The following EIF2AK3 variants were observed in gnomAD, a reference collection of about 807,000 sequenced individuals.
EIF2AK3 encodes the protein eukaryotic translation initiation factor 2 alpha kinase 3.
EIF2AK3 carries 50 observed loss-of-function variants against 113.5 expected under a neutral mutation model. The ratio of observed to expected loss-of-function variants is 0.44; its 90% CI spans 0.35 to 0.56. EIF2AK3 has a LOEUF of 0.56. Ranked by LOEUF, EIF2AK3 falls within the 20% of genes least tolerant of loss-of-function variation. The pLI, the probability that EIF2AK3 is intolerant of heterozygous loss-of-function variation, is 0.00. For synonymous variants in EIF2AK3, 448 were observed against 495.4 expected, an observed-to-expected ratio of 0.90 and a Z score of 1.27; for missense variants, 1,185 against 1,378.0, an observed-to-expected ratio of 0.86 and a Z score of 2.22.
intron 1 of EIF2AK3, among the ~76,000 whole-genome samples, chr2:88,614,908 T>C (rs1205812602): frequency 1.3e-5 from 2 of 152,166 alleles, no homozygotes; most frequent in African/African-American, 2.4e-5. Flanking sequence ...CTATCCTCAC[T>C]TTAATTAACG....
chr2:88,576,477 C>T, intron 12 of EIF2AK3, 77 bp downstream of exon 12: 1 of 1,589,000 alleles, frequency 6.3e-7, no homozygotes, highest in Non-Finnish European at 8.6e-7. Flanking sequence ...AAAAAAAATC[C>T]CTAAAGTTAT....
At chr2:88,566,304 TTTAAAAAA>T (rs568463681) in intron 14 of EIF2AK3, among the ~76,000 whole-genome samples, 145 of 152,284 alleles carry the variant, frequency 9.5e-4, no homozygotes, top group African/African-American at 3.3e-3. Flanking sequence ...TTCTTTCATT[TTTAAAAAA>T]AGTTTTTTAC....
chr2:88,586,348 A>G (rs965040185), intron 8 of EIF2AK3, among the ~76,000 whole-genome samples: 2 of 152,200 alleles, frequency 1.3e-5, no homozygotes, highest in African/African-American at 4.8e-5. Context: ...TAATAATTCA[A>G]TTCTTTAAAT....
intron 8 of EIF2AK3, among the ~76,000 whole-genome samples, chr2:88,587,743 A>G (rs1231070748): frequency 6.6e-6 from 1 of 152,150 alleles, no homozygotes; most frequent in Non-Finnish European, 1.5e-5. Context: ...TTATTATTCT[A>G]ATTTTACAGA....
rs181409281 is a variant in EIF2AK3 at position 88,575,552 on chromosome 2, C to T, written c.2037-106G>A. 2.6e-6 allele frequency: 3 copies of T among 1,175,854 alleles called. No homozygotes were observed. The Admixed American group carries it at 5.5e-5, about 22-fold the overall frequency. The allele number at this position is 1,175,854 out of a possible 1,614,324, so 72.8% of individuals were successfully genotyped here. A position where few individuals can be genotyped will look rare whatever the true frequency, so the allele number is the denominator to read the frequency against. ...GCTTCAACTGTAATAAGGCCACTTA[C>T]CAAATGACAACAAAACAACATACAA... On this transcript the variant is annotated intron_variant, in intron 12 of 16. Transcript: ENST00000303236.
At chr2:88,566,101 T>C (rs1250853994) in intron 14 of EIF2AK3, among the ~76,000 whole-genome samples, 1 of 152,230 alleles carries the variant, frequency 6.6e-6, no homozygotes, top group East Asian at 1.9e-4. Flanking sequence ...GAAACAACCA[T>C]GGTGATGCTA....
rs1467388361 is a variant in EIF2AK3 at position 88,593,353 on chromosome 2, A to G, written c.686T>C (p.Met229Thr). The change falls in exon 4 of 17, where the codon ATG (methionine) becomes ACG (threonine). Residue 229 changes from methionine to threonine, a missense_variant. This residue lies in a region of EIF2AK3 where 119 missense variants were observed against 178.7 expected (regional missense o/e 0.67). Coordinates refer to ENST00000303236, the MANE Select transcript of EIF2AK3 (RefSeq NM_004836.7). Reference protein sequence around the residue: ...LGCRQWDSDEMEQEEDILLLQ... With the variant: ...LGCRQWDSDETEQEEDILLLQ... ...AAGCAGGATGTCTTCCTCTTGTTCC[A>G]TTTCGTCACTATCCCATTGGCGACA... The G allele has an allele frequency of 6.2e-7, 1 of 1,614,036 alleles. No individual in the cohort carries two copies. The highest frequency in any genetic ancestry group is 1.7e-5 in the Admixed American group (1 of 59,988).
intron 2 of EIF2AK3, among the ~76,000 whole-genome samples, chr2:88,596,301 T>G (rs943777698): frequency 1.3e-5 from 2 of 152,198 alleles, no homozygotes; most frequent in African/African-American, 4.8e-5. Flanking sequence ...TCCCTTCTTT[T>G]AACAATGCTT....
chr2:88,583,635 T>C (rs1674649764), intron 9 of EIF2AK3, 93 bp from the exon 10 acceptor site: 1 of 866,492 alleles, frequency 1.2e-6, no homozygotes, highest in Non-Finnish European at 1.9e-6. Context: ...CACTGAAAAA[T>C]ACATAAGTAG....
intron 2 of EIF2AK3, among the ~76,000 whole-genome samples, chr2:88,598,508 A>C (rs1036570774): frequency 1.3e-5 from 2 of 152,188 alleles, no homozygotes; most frequent in African/African-American, 2.4e-5. Flanking sequence ...GCACAACCTG[A>C]ATCTCAGCAC....
chr2:88,575,518 G>A, intron 12 of EIF2AK3, 72 bp from the exon 13 acceptor site: 1 of 1,544,800 alleles, frequency 6.5e-7, no homozygotes, highest in Non-Finnish European at 8.8e-7. Flanking sequence ...TGCACCCTCT[G>A]TTTAAAAAGC....
intron 1 of EIF2AK3, among the ~76,000 whole-genome samples, chr2:88,625,326 C>A (rs112261334): frequency 2.7e-4 from 36 of 130,912 alleles, no homozygotes; most frequent in South Asian, 8.2e-4. Context: ...CACACACACA[C>A]AGACATACAC....
intron 2 of EIF2AK3, among the ~76,000 whole-genome samples, chr2:88,606,456 C>T (rs1675281621): frequency 6.6e-6 from 1 of 152,258 alleles, no homozygotes; most frequent in African/African-American, 2.4e-5. Context: ...TGTTTCATTT[C>T]TATAATTAAA....
At chr2:88,589,932 CAGTAATTA>C (rs1674839216) in intron 6 of EIF2AK3, among the ~76,000 whole-genome samples, 1 of 152,098 alleles carries the variant, frequency 6.6e-6, no homozygotes, top group Non-Finnish European at 1.5e-5. Flanking sequence ...GAATATGCGA[CAGTAATTA>C]AAAATTTCAG....
chr2:88,567,618 T>C (rs1323024367), intron 14 of EIF2AK3, among the ~76,000 whole-genome samples: 4 of 152,344 alleles, frequency 2.6e-5, no homozygotes, highest in Middle Eastern at 3.4e-3. Context: ...ACAAGAACCA[T>C]TGGCACATAT....
At chr2:88,597,514 C>T (rs986119079) in intron 2 of EIF2AK3, among the ~76,000 whole-genome samples, 5 of 152,142 alleles carry the variant, frequency 3.3e-5, no homozygotes, top group Non-Finnish European at 7.4e-5. Context: ...CTTAAATAAA[C>T]CTTTCATCCC....
chr2:88,583,396 T>C (rs775956287), intron 10 of EIF2AK3, 34 bp downstream of exon 10: 2 of 1,529,290 alleles, frequency 1.3e-6, no homozygotes, highest in Non-Finnish European at 9.0e-7. Flanking sequence ...ATTTCTTCTT[T>C]GATTCAGATG....
At chr2:88,620,676 C>CCCT (rs1256705419) in intron 1 of EIF2AK3, among the ~76,000 whole-genome samples, 1 of 152,238 alleles carries the variant, frequency 6.6e-6, no homozygotes, top group Non-Finnish European at 1.5e-5. Flanking sequence ...CTGCTCTGTG[C>CCCT]CCTTGCTCAC....
At chr2:88,575,644 A>G in intron 12 of EIF2AK3, 198 bp from the exon 13 acceptor site, 1 of 651,956 alleles carries the variant, frequency 1.5e-6, no homozygotes, top group Non-Finnish European at 2.6e-6. Context: ...TAAAAAACTT[A>G]ATTTTAAAGC....
Sources: allele counts gnomAD v4.1 joint callset (sites outside exome capture counted in the v4.1 genomes callset), GRCh38; gene constraint gnomAD v4.1.1; regional missense constraint gnomAD v4.1.1; transcripts MANE v1.5; gene names NCBI Gene and HGNC (gene_info 2026-07-23, HGNC 2026-07-21).